DLG2: variants seen among roughly 807,000 people sequenced by gnomAD.
DLG2 encodes disks large homolog 2.
Under a neutral mutation model 132.5 loss-of-function variants are expected in DLG2, and 45 were observed. The observed-to-expected ratio is 0.34, with a 90% CI of 0.27 to 0.44. The LOEUF is 0.44. Ranked by LOEUF, DLG2 falls within the 20% of genes least tolerant of loss-of-function variation. The pLI, the probability that DLG2 is intolerant of heterozygous loss-of-function variation, is 1.00. For synonymous variants in DLG2, 424 were observed against 419.6 expected (o/e 1.01, Z -0.13); for missense variants, 1,045 against 1,196.9 (o/e 0.87, Z 1.87).
At chr11:85,184,133 G>A (rs534958383) in intron 4 of DLG2, among the ~76,000 whole-genome samples, 1 of 151,886 alleles carries the variant, frequency 6.6e-6, no homozygotes, top group Non-Finnish European at 1.5e-5. Flanking sequence ...AACATAGCTT[G>A]TTCAGATTAT....
intron 3 of DLG2, among the ~76,000 whole-genome samples, chr11:85,293,522 A>G (rs1292481648): frequency 6.6e-6 from 1 of 152,198 alleles, no homozygotes; most frequent in African/African-American, 2.4e-5. Flanking sequence ...CCTGCCCAAA[A>G]TGCGTAAGTT....
intron 21 of DLG2, among the ~76,000 whole-genome samples, chr11:83,526,617 C>G (rs1332699889): frequency 1.3e-5 from 2 of 152,080 alleles, no homozygotes; most frequent in African/African-American, 4.8e-5. Context: ...TGGTCACAAC[C>G]CTTAAAATTC....
At chr11:84,043,783 T>C (rs1593892111) in intron 11 of DLG2, among the ~76,000 whole-genome samples, 1 of 151,768 alleles carries the variant, frequency 6.6e-6, no homozygotes, top group East Asian at 1.9e-4. Context: ...TATTTTTTCT[T>C]CCTATTTGTA....
At chr11:85,490,689 C>T (rs908342138) in intron 3 of DLG2, among the ~76,000 whole-genome samples, 1 of 151,994 alleles carries the variant, frequency 6.6e-6, no homozygotes, top group Non-Finnish European at 1.5e-5. Flanking sequence ...AAACTATATG[C>T]TCAAAACTTA....
intron 6 of DLG2, among the ~76,000 whole-genome samples, chr11:84,992,960 A>G (rs1373376950): frequency 6.6e-6 from 1 of 152,168 alleles, no homozygotes; most frequent in Non-Finnish European, 1.5e-5. Flanking sequence ...ATTCCACTGT[A>G]CAGACACCTG....
At chr11:84,075,496 G>T (rs1190787791) in intron 10 of DLG2, among the ~76,000 whole-genome samples, 1 of 152,048 alleles carries the variant, frequency 6.6e-6, no homozygotes, top group African/African-American at 2.4e-5. Context: ...GTTAAGATTG[G>T]GTTGGTCAGT....
At chr11:84,529,732 ACAGT>A (rs1258458272) in intron 7 of DLG2, among the ~76,000 whole-genome samples, 1 of 152,238 alleles carries the variant, frequency 6.6e-6, no homozygotes, top group Non-Finnish European at 1.5e-5. Flanking sequence ...AGCAATTTAC[ACAGT>A]CAGTGCTATT....
intron 19 of DLG2, among the ~76,000 whole-genome samples, chr11:83,569,446 C>T (rs2096761879): frequency 6.6e-6 from 1 of 152,028 alleles, no homozygotes; most frequent in Non-Finnish European, 1.5e-5. Flanking sequence ...TATGTCAAGT[C>T]CTTTACATAT....
At chr11:85,466,355 T>C (rs1255149944) in intron 3 of DLG2, among the ~76,000 whole-genome samples, 2 of 152,224 alleles carry the variant, frequency 1.3e-5, no homozygotes, top group Non-Finnish European at 2.9e-5. Context: ...TTGCCATTGC[T>C]TTTGGTGTTT....
intron 7 of DLG2, among the ~76,000 whole-genome samples, chr11:84,372,559 C>T (rs529758475): frequency 6.6e-6 from 1 of 152,262 alleles, no homozygotes; most frequent in South Asian, 2.1e-4. Flanking sequence ...TTTGTGGTTG[C>T]TTAGAAACAT....
intron 6 of DLG2, among the ~76,000 whole-genome samples, chr11:84,553,460 C>A (rs2099405930): frequency 1.3e-5 from 2 of 152,252 alleles, no homozygotes; most frequent in South Asian, 4.1e-4. Flanking sequence ...AGAATCAATA[C>A]AATATCAAAT....
chr11:85,403,461 C>T (rs2088392632), intron 3 of DLG2, among the ~76,000 whole-genome samples: 2 of 151,432 alleles, frequency 1.3e-5, no homozygotes, highest in Admixed American at 6.6e-5. Flanking sequence ...GCACATTGTG[C>T]ACATATACCG....
chr11:84,032,237 G>A (rs1298183465), intron 11 of DLG2, among the ~76,000 whole-genome samples: 3 of 152,174 alleles, frequency 2.0e-5, no homozygotes, highest in Admixed American at 6.6e-5. Flanking sequence ...GTTGAAAGCT[G>A]AGGTAGGTAG....
chr11:84,729,064 GT>G (rs1054228858), intron 6 of DLG2, among the ~76,000 whole-genome samples: 3 of 151,938 alleles, frequency 2.0e-5, no homozygotes, highest in African/African-American at 4.8e-5. Context: ...TTTTTTGAAG[GT>G]TTTTTTGGGT....
chr11:84,794,534 G>A (rs1347057940), intron 6 of DLG2, among the ~76,000 whole-genome samples: 1 of 152,168 alleles, frequency 6.6e-6, no homozygotes, highest in Admixed American at 6.5e-5. Context: ...TGCTCTTGGG[G>A]GCAGGGAGCA....
At chr11:84,896,481 C>A (rs1328624858) in intron 6 of DLG2, among the ~76,000 whole-genome samples, 1 of 151,946 alleles carries the variant, frequency 6.6e-6, no homozygotes, top group East Asian at 1.9e-4. Flanking sequence ...AGGTGTAATC[C>A]ATTTAACAAG....
At chr11:84,955,741 C>T (rs2051570304) in intron 6 of DLG2, 1 of 152,162 alleles carries the variant, frequency 6.6e-6, no homozygotes, top group African/African-American at 2.4e-5. Context: ...TAAATATTTT[C>T]TACTTCTGTA....
At chr11:85,182,359 G>C (rs1397681057) in intron 4 of DLG2, among the ~76,000 whole-genome samples, 1 of 151,856 alleles carries the variant, frequency 6.6e-6, no homozygotes, top group Non-Finnish European at 1.5e-5. Context: ...ACATGTTAAA[G>C]TGATCAAGTG....
chr11:84,200,101 C>A (rs1382205395), intron 8 of DLG2, among the ~76,000 whole-genome samples: 1 of 151,934 alleles, frequency 6.6e-6, no homozygotes, highest in African/African-American at 2.4e-5. Flanking sequence ...CTGAAAACTT[C>A]TTAGAAAAAA....
Sources: gnomAD v4.1 joint callset for allele counts (sites outside exome capture counted in the v4.1 genomes callset) on GRCh38, gnomAD v4.1.1 for gene constraint, MANE v1.5 for transcripts, NCBI Gene and HGNC (gene_info 2026-07-23, HGNC 2026-07-21) for gene names.